Variants in NEO1 observed in about 807,000 individuals in gnomAD.
The protein encoded by NEO1 is neogenin.
A neutral mutation model predicts 159.7 loss-of-function variants in NEO1; 63 were observed. That is an observed-to-expected ratio of 0.39 (90% CI 0.32 to 0.49). The LOEUF is 0.49. Ranked by LOEUF, NEO1 falls within the 20% of genes least tolerant of loss-of-function variation. The pLI is 0.85. For synonymous variants in NEO1, 633 were observed against 662.0 expected (o/e 0.96, Z 0.67); for missense variants, 1,615 against 1,831.0 (o/e 0.88, Z 2.15).
At chr15:73,225,877 CA>C (rs2038555777) in intron 7 of NEO1, among the ~76,000 whole-genome samples, 1 of 152,112 alleles carries the variant, frequency 6.6e-6, no homozygotes, top group Non-Finnish European at 1.5e-5. Context: ...TGTTTTTCCC[CA>C]CACTCCTCCG....
intron 7 of NEO1, among the ~76,000 whole-genome samples, chr15:73,179,799 G>A (rs528210221): frequency 1.5e-4 from 23 of 151,944 alleles, no homozygotes; most frequent in Non-Finnish European, 2.5e-4. Context: ...GCAACAGCAT[G>A]CTGTGTATAT....
At chr15:73,099,653 T>C (rs2070288330) in intron 1 of NEO1, among the ~76,000 whole-genome samples, 1 of 152,246 alleles carries the variant, frequency 6.6e-6, no homozygotes, top group Non-Finnish European at 1.5e-5. Flanking sequence ...CAATAAATTA[T>C]TCATGTGCTA....
intron 15 of NEO1, 91 bp downstream of exon 15, chr15:73,260,556 G>A (rs938935694): frequency 2.5e-6 from 3 of 1,192,046 alleles, no homozygotes; most frequent in African/African-American, 3.1e-5. Flanking sequence ...CAAGAAAATT[G>A]CGAAAATAGT....
At chr15:73,111,113 C>T (rs766824573) in intron 1 of NEO1, among the ~76,000 whole-genome samples, 17 of 152,158 alleles carry the variant, frequency 1.1e-4, no homozygotes, top group Admixed American at 6.5e-4. Flanking sequence ...TTTGGCAGCT[C>T]AAACCCACTA....
At chr15:73,217,592 C>G (rs1429264369) in intron 7 of NEO1, among the ~76,000 whole-genome samples, 1 of 152,124 alleles carries the variant, frequency 6.6e-6, no homozygotes, top group African/African-American at 2.4e-5. Context: ...TGTTTGTATC[C>G]TCTTCTATTT....
At chr15:73,090,901 C>G (rs1343508005) in intron 1 of NEO1, among the ~76,000 whole-genome samples, 1 of 152,102 alleles carries the variant, frequency 6.6e-6, no homozygotes, top group African/African-American at 2.4e-5. Flanking sequence ...GTGCTAAGTA[C>G]TGTGTTAAAT....
Position 73,298,577 on chromosome 15 carries a change from T to C in NEO1, c.4131T>C (p.Pro1377=). 1 of 1,614,200 alleles carries C rather than the reference T, an allele frequency of 6.2e-7. No individual in the cohort carries two copies. The highest frequency in any genetic ancestry group is 8.5e-7 in the Non-Finnish European group (1 of 1,180,034). The change falls in exon 27 of 29, where the codon CCT becomes CCC. Residue 1377 remains proline, a synonymous_variant. Transcript: ENST00000261908. ...IPPPGPPTYD[P]ALPSTPLLSQ... ...CTCCAGGACCTCCCACCTATGATCC[T>C]GCATTGCCAAGCACACCATTACTGT... is the stretch of plus-strand genomic sequence containing the variant.
At chr15:73,287,878 C>CAA (rs35855032) in intron 23 of NEO1, among the ~76,000 whole-genome samples, 2 of 143,652 alleles carry the variant, frequency 1.4e-5, no homozygotes, top group South Asian at 2.2e-4. Context: ...AACTCCATCT[C>CAA]AAAAAAAAAA....
chr15:73,159,262 A>C (rs1276249653), intron 5 of NEO1, among the ~76,000 whole-genome samples: 1 of 152,098 alleles, frequency 6.6e-6, no homozygotes, highest in African/African-American at 2.4e-5. Context: ...TACCTTATAC[A>C]CGTATGTGTT....
At chr15:73,116,441 A>G (rs1317335227) in intron 1 of NEO1, 99 bp from the exon 2 acceptor site, 2 of 983,858 alleles carry the variant, frequency 2.0e-6, no homozygotes, top group Non-Finnish European at 2.9e-6. Flanking sequence ...CATTCAAAGA[A>G]CAACAGTTAA....
intron 7 of NEO1, among the ~76,000 whole-genome samples, chr15:73,218,803 T>C (rs1450489531): frequency 3.3e-5 from 5 of 152,240 alleles, no homozygotes; most frequent in African/African-American, 1.2e-4. Context: ...TGTGTCTATT[T>C]GATTCTTCTC....
At chr15:73,295,749 T>G (rs1309550400) in intron 26 of NEO1, among the ~76,000 whole-genome samples, 1 of 152,176 alleles carries the variant, frequency 6.6e-6, no homozygotes. Flanking sequence ...TCTCTGGAGC[T>G]CAGAGTGTTG....
intron 7 of NEO1, among the ~76,000 whole-genome samples, chr15:73,229,570 G>T (rs561021341): frequency 4.1e-5 from 6 of 146,482 alleles, no homozygotes; most frequent in Non-Finnish European, 7.5e-5. Flanking sequence ...TCTTTTTCTT[G>T]CCATTTTGCA....
chr15:73,141,864 T>C (rs1313855074), intron 5 of NEO1, among the ~76,000 whole-genome samples: 1 of 152,198 alleles, frequency 6.6e-6, no homozygotes, highest in Admixed American at 6.5e-5. Flanking sequence ...AAAAAGCAAA[T>C]TCCTTATGTC....
At chr15:73,052,865 C>G (rs1435186826) in intron 1 of NEO1, 60 bp downstream of exon 1, 1 of 247,192 alleles carries the variant, frequency 4.0e-6, no homozygotes, top group East Asian at 1.7e-4. Context: ...CAGGCGGCCG[C>G]GGCTGCGGTG....
intron 5 of NEO1, among the ~76,000 whole-genome samples, chr15:73,167,144 A>AGGGGGGG (rs2034631281): frequency 9.2e-6 from 1 of 109,214 alleles, no homozygotes; most frequent in Non-Finnish European, 1.9e-5. Context: ...GGGAGGGGGG[A>AGGGGGGG]GGGATAGCAT....
At chr15:73,231,114 T>A (rs1022194136) in intron 7 of NEO1, among the ~76,000 whole-genome samples, 2 of 152,170 alleles carry the variant, frequency 1.3e-5, no homozygotes, top group African/African-American at 4.8e-5. Context: ...ATTGCAGATT[T>A]CAATATTCTG....
intron 2 of NEO1, among the ~76,000 whole-genome samples, chr15:73,122,108 ATT>A (rs2071700247): frequency 1.5e-5 from 1 of 68,946 alleles, no homozygotes; most frequent in Admixed American, 1.3e-4. Flanking sequence ...CATTATATAT[ATT>A]ATATATATGT....
At chr15:73,189,354 A>G (rs2036113522) in intron 7 of NEO1, among the ~76,000 whole-genome samples, 1 of 152,178 alleles carries the variant, frequency 6.6e-6, no homozygotes, top group South Asian at 2.1e-4. Flanking sequence ...GCATCCTGCA[A>G]ATACCGTATT....
Sources: allele counts gnomAD v4.1 joint callset (sites outside exome capture counted in the v4.1 genomes callset), GRCh38; gene constraint gnomAD v4.1.1; transcripts MANE v1.5; gene names NCBI Gene and HGNC (gene_info 2026-07-23, HGNC 2026-07-21).